Variants in CHST11 observed in about 807,000 individuals in gnomAD.
CHST11 encodes the protein carbohydrate sulfotransferase 11, also known as C4S-1.
A neutral mutation model predicts 30.4 loss-of-function variants in CHST11; 9 were observed. The ratio of observed to expected loss-of-function variants is 0.30; its 90% confidence interval spans 0.18 to 0.52. The LOEUF is 0.52. CHST11 is among the 20% of genes least tolerant of loss of function. The probability of loss-of-function intolerance (pLI) is 0.97; values close to 1 mark genes in which losing one functional copy is unlikely to be tolerated. For missense variants in CHST11, 348 were observed against 460.6 expected, an observed-to-expected ratio of 0.76 and a Z score of 2.24; for synonymous variants, 152 against 187.8, an observed-to-expected ratio of 0.81 and a Z score of 1.56.
chr12:104,546,657 AT>A (rs1485881668), intron 1 of CHST11, among the ~76,000 whole-genome samples: 6 of 151,562 alleles, frequency 4.0e-5, no homozygotes, highest in Admixed American at 3.3e-4. Context: ...GCACCTGGCG[AT>A]TTTTTTTTCC....
chr12:104,476,263 G>A lies in CHST11; in HGVS notation c.118+18734G>A, dbSNP rs1056105356. On this transcript the variant is annotated intron_variant, in intron 1 of 2. Transcript: ENST00000303694. ...TATGTTACACATATATGTAATATATGTAATATGTACACATGTAGTATATAC... is the reference window on the plus strand; with the variant it reads ...TATGTTACACATATATGTAATATATATAATATGTACACATGTAGTATATAC... Among the ~76,000 whole-genome samples the A allele has an allele frequency of 2.0e-5, 3 of 148,984 alleles. No homozygotes were observed. The East Asian group carries it at 5.8e-4, about 29-fold the overall frequency.
At chr12:104,514,298 T>C in intron 1 of CHST11, 1 of 897,310 alleles carries the variant, frequency 1.1e-6, no homozygotes, top group South Asian at 1.3e-5. Context: ...GAGCGGTGTT[T>C]GGCAGCCTGA....
chr12:104,549,675 G>T (rs972180053), intron 1 of CHST11, among the ~76,000 whole-genome samples: 3 of 152,160 alleles, frequency 2.0e-5, no homozygotes, highest in African/African-American at 7.2e-5. Flanking sequence ...GAAGGCCGAG[G>T]CAGGAGGATT....
chr12:104,553,250 G>A (rs2038421659), intron 1 of CHST11: 1 of 152,300 alleles, frequency 6.6e-6, no homozygotes, highest in African/African-American at 2.4e-5. Context: ...TGGTGGTGGG[G>A]ATGGTTATGG....
intron 2 of CHST11, among the ~76,000 whole-genome samples, chr12:104,670,982 C>G (rs2039690538): frequency 6.6e-6 from 1 of 152,168 alleles, no homozygotes; most frequent in Non-Finnish European, 1.5e-5. Flanking sequence ...TTTGATTTCC[C>G]ACATATGGAT....
intron 1 of CHST11, among the ~76,000 whole-genome samples, chr12:104,538,886 A>G (rs945213854): frequency 1.3e-5 from 2 of 152,332 alleles, no homozygotes; most frequent in African/African-American, 4.8e-5. Context: ...TCACACTTAC[A>G]TAGCACTTCT....
intron 1 of CHST11, among the ~76,000 whole-genome samples, chr12:104,522,486 C>T (rs1373560410): frequency 6.6e-6 from 1 of 152,152 alleles, no homozygotes; most frequent in Non-Finnish European, 1.5e-5. Context: ...GTAGGGTTCT[C>T]AGGCAGGCTT....
rs200583324 is a variant in CHST11 at position 104,589,419 on chromosome 12, AT to A, written c.119-12485del. ...TTGTCTCAAAAAAAAAAAAAAAAAA[AT>A]TCAAATTCATAGAGACAGGAAATAG... On this transcript the variant is annotated intron_variant, in intron 1 of 2. Transcript: ENST00000303694. Among the ~76,000 whole-genome samples the A allele has an allele frequency of 1.3e-3, 179 of 138,580 alleles. 1 individual carries two copies. The East Asian group carries it at 0.036, about 28-fold the overall frequency. 90.9% of individuals were successfully genotyped at this position (138,580 alleles called of 152,430 possible). A position where few individuals can be genotyped will look rare whatever the true frequency, so the allele number is the denominator to read the frequency against.
intron 2 of CHST11, among the ~76,000 whole-genome samples, chr12:104,701,249 G>A (rs779322702): frequency 1.6e-4 from 25 of 152,162 alleles, no homozygotes; most frequent in Non-Finnish European, 3.5e-4. Context: ...TGCCCAGAAT[G>A]TGTCCCCTCT....
intron 2 of CHST11, among the ~76,000 whole-genome samples, chr12:104,610,014 C>T (rs911669081): frequency 2.0e-5 from 3 of 151,048 alleles, no homozygotes; most frequent in African/African-American, 7.3e-5. Flanking sequence ...GCAAGCTTGA[C>T]GCACTGATTT....
At chr12:104,504,492 T>C (rs1421722142) in intron 1 of CHST11, among the ~76,000 whole-genome samples, 1 of 152,172 alleles carries the variant, frequency 6.6e-6, no homozygotes, top group Non-Finnish European at 1.5e-5. Flanking sequence ...GTCTGAGGAC[T>C]CTCTCGGGTC....
intron 1 of CHST11, among the ~76,000 whole-genome samples, chr12:104,530,535 T>C (rs1414104388): frequency 1.3e-5 from 2 of 152,238 alleles, no homozygotes; most frequent in Admixed American, 6.5e-5. Flanking sequence ...TTAGGGAGAC[T>C]AGAGCATAAA....
At chr12:104,617,966 T>A (rs1057428935) in intron 2 of CHST11, among the ~76,000 whole-genome samples, 5 of 151,894 alleles carry the variant, frequency 3.3e-5, no homozygotes, top group Admixed American at 6.6e-5. Context: ...TGGTGAGCCA[T>A]GGTGCGATCT....
intron 1 of CHST11, among the ~76,000 whole-genome samples, chr12:104,547,936 G>A (rs1000314635): frequency 5.9e-5 from 9 of 152,162 alleles, no homozygotes; most frequent in African/African-American, 1.9e-4. Context: ...GAGTGTGAAG[G>A]GGAAAAGTTG....
chr12:104,533,094 A>G (rs1054185976), intron 1 of CHST11, among the ~76,000 whole-genome samples: 5 of 152,078 alleles, frequency 3.3e-5, no homozygotes, highest in African/African-American at 1.2e-4. Flanking sequence ...TCTTTTCTTG[A>G]TGAGCTCCCA....
At chr12:104,679,703 G>A (rs946179057) in intron 2 of CHST11, among the ~76,000 whole-genome samples, 7 of 152,184 alleles carry the variant, frequency 4.6e-5, no homozygotes, top group African/African-American at 1.7e-4. Context: ...CAGAGAGCAG[G>A]CATCTTTCTT....
chr12:104,616,989 G>A (rs1407407532), intron 2 of CHST11, among the ~76,000 whole-genome samples: 5 of 152,210 alleles, frequency 3.3e-5, no homozygotes, highest in African/African-American at 1.2e-4. Context: ...GAAAATAAAA[G>A]GCCGTGTTTA....
chr12:104,462,166 T>TA (rs2037414501), intron 1 of CHST11, among the ~76,000 whole-genome samples: 2 of 34,768 alleles, frequency 5.8e-5, no homozygotes, highest in Admixed American at 3.4e-4. Flanking sequence ...AAACACCATC[T>TA]CAAAAAAAAA....
intron 1 of CHST11, among the ~76,000 whole-genome samples, chr12:104,595,963 G>C (rs957780894): frequency 2.0e-5 from 3 of 152,098 alleles, no homozygotes; most frequent in African/African-American, 7.2e-5. Context: ...CTGAATCCTG[G>C]GGATCTCCTT....
Sources: gnomAD v4.1 joint callset for allele counts (sites outside exome capture counted in the v4.1 genomes callset) on GRCh38, gnomAD v4.1.1 for gene constraint, MANE v1.5 for transcripts, NCBI Gene and HGNC (gene_info 2026-07-23, HGNC 2026-07-21) for gene names.